Variants in ZNF48 observed in about 807,000 individuals in gnomAD.
ZNF48 encodes zinc finger protein 553.
ZNF48 carries 20 observed loss-of-function variants against 40.0 expected under a neutral mutation model. The ratio of observed to expected loss-of-function variants is 0.50; its 90% CI spans 0.35 to 0.73. The LOEUF (loss-of-function observed/expected upper bound fraction) is 0.73, where lower values mean the gene tolerates loss of function less well. Ranked by LOEUF, ZNF48 falls within the 30% of genes least tolerant of loss-of-function variation. The probability of loss-of-function intolerance (pLI) is 0.01; values close to 1 mark genes in which losing one functional copy is unlikely to be tolerated. For synonymous variants in ZNF48, 298 were observed against 329.7 expected, an observed-to-expected ratio of 0.90 and a Z score of 1.04; for missense variants, 726 against 851.9, an observed-to-expected ratio of 0.85 and a Z score of 1.84.
upstream of ZNF48, among the ~76,000 whole-genome samples, chr16:30,393,702 T>C (rs1196540885): frequency 4.0e-5 from 6 of 151,854 alleles, no homozygotes; most frequent in Admixed American, 1.3e-4. Flanking sequence ...TATAACTACC[T>C]TAACAGTCTC....
Position 30,399,152 on chromosome 16 carries a change from C to T in ZNF48, c.*45C>T, listed in dbSNP as rs761945172. The T allele has an allele frequency of 2.0e-6, 3 of 1,502,118 alleles. No homozygotes were observed. Among genetic ancestry groups the T allele is most frequent in the Middle Eastern group, 1.8e-4 (1 of 5,522 alleles). The allele number at this position is 1,502,118 out of a possible 1,614,324, so 93.0% of individuals were successfully genotyped here. A position where few individuals can be genotyped will look rare whatever the true frequency, so the allele number is the denominator to read the frequency against. ...AGGCCCAGGAGACCAAAGGGAGGGG[C>T]TCTGCCGCTTAGCAGAGAAGAAAGG... On this transcript the variant is annotated 3_prime_UTR_variant, in exon 3 of 3. Transcript: ENST00000613509.
intron 2 of ZNF48, among the ~76,000 whole-genome samples, chr16:30,396,688 CTTTTTTTTT>C (rs1167683501): frequency 1.8e-5 from 2 of 112,064 alleles, no homozygotes; most frequent in Non-Finnish European, 3.5e-5. Context: ...CGCTTTGCTA[CTTTTTTTTT>C]TTTTTTTTTT....
Position 30,387,327 on chromosome 16 carries a change from G to A in ZNF48, c.-15-8453G>A, listed in dbSNP as rs1270338112. 2.0e-5 allele frequency among the ~76,000 whole-genome samples: 3 copies of A among 148,224 alleles called. No individual in the cohort carries two copies. In the South Asian group the frequency reaches 6.3e-4, roughly 31 times the overall value. ...CCCAGCACTTTGGGAGGCCTAGGTG[G>A]GCGGTTCACCTGATGTCGGGAGTTC... On this transcript the variant is annotated intron_variant, in intron 1 of 2. Coordinates refer to the ZNF48 transcript ENST00000528032.
chr16:30,388,018 G>A (rs2049914710), intron 1 of ZNF48, among the ~76,000 whole-genome samples: 1 of 150,328 alleles, frequency 6.7e-6, no homozygotes, highest in Admixed American at 6.7e-5. Context: ...CCAGGCTAGA[G>A]TGCAATGGCG....
chr16:30,382,332 T>C lies in ZNF48; in HGVS notation c.-16+3922T>C, dbSNP rs1421977655. The C allele has an allele frequency of 6.2e-7, 1 of 1,613,680 alleles. No homozygotes were observed. The highest frequency in any genetic ancestry group is 8.5e-7 in the Non-Finnish European group (1 of 1,179,736). On this transcript the variant is annotated intron_variant, in intron 1 of 2. Transcript: ENST00000528032. This position sits in a 1 kb window ranked among gnomAD's most constrained non-coding sequence, Gnocchi z 4.8. ...TTGACAGACTTGCGGTGCAGCTGGT[T>C]GGGGAGGGCAGCAAAACCCACGTAC...
chr16:30,385,124 G>T (rs528391290), intron 1 of ZNF48, among the ~76,000 whole-genome samples: 1 of 151,444 alleles, frequency 6.6e-6, no homozygotes, highest in Non-Finnish European at 1.5e-5. Flanking sequence ...GCGGTGAGCT[G>T]AGATTGTGCC....
At chr16:30,392,189 A>T (rs182379913), upstream of ZNF48, among the ~76,000 whole-genome samples, 1 of 151,914 alleles carries the variant, frequency 6.6e-6, no homozygotes, top group African/African-American at 2.4e-5. Context: ...CGCCCATCTA[A>T]TTTTTTTGTA....
chr16:30,379,309 C>A lies in ZNF48; in HGVS notation c.-16+899C>A, dbSNP rs538181547. The A allele has an allele frequency of 8.3e-6, 12 of 1,438,008 alleles. No homozygotes were observed. The East Asian group carries it at 2.5e-4, about 30-fold the overall frequency. 89.1% of individuals were successfully genotyped at this position (1,438,008 alleles called of 1,614,324 possible). A position where few individuals can be genotyped will look rare whatever the true frequency, so the allele number is the denominator to read the frequency against. Reference sequence around the variant, plus strand: ...GGAGGGTCCGCGGTCTGCAGCCCAGCGACCCCCCTTTCCTCCTAGGATCCC... The same window carrying A: ...GGAGGGTCCGCGGTCTGCAGCCCAGAGACCCCCCTTTCCTCCTAGGATCCC... On this transcript the variant is annotated intron_variant, in intron 1 of 2. Coordinates refer to the ZNF48 transcript ENST00000528032.
At position 30,382,679 on chromosome 16, in the gene ZNF48, A is replaced by G; in HGVS notation, c.-16+4269A>G. 1 of 1,533,966 alleles carries G rather than the reference A, an allele frequency of 6.5e-7. No homozygotes were observed. The highest frequency in any genetic ancestry group is 1.2e-5 in the South Asian group (1 of 83,938). On this transcript the variant is annotated intron_variant, in intron 1 of 2. Coordinates refer to the ZNF48 transcript ENST00000528032. The surrounding 1 kb of genome is among the most constrained non-coding windows in gnomAD (Gnocchi z 4.8). ...AGAGAGGTGGGGAAGGCCAAGGCCAAGAACACTTGGGGTTGCCACCTCCTG... is the reference window on the plus strand; with the variant it reads ...AGAGAGGTGGGGAAGGCCAAGGCCAGGAACACTTGGGGTTGCCACCTCCTG...
intron 1 of ZNF48, among the ~76,000 whole-genome samples, chr16:30,390,021 A>T (rs1235839625): frequency 6.6e-6 from 1 of 151,266 alleles, no homozygotes. Context: ...TGGGGTCACT[A>T]TGTTGGCCAG....
At chr16:30,393,571 G>A (rs1272385045), upstream of ZNF48, among the ~76,000 whole-genome samples, 1 of 151,728 alleles carries the variant, frequency 6.6e-6, no homozygotes, top group Admixed American at 6.6e-5. Context: ...TTTTAGTAGA[G>A]ACAGGGTTTC....
chr16:30,380,780 G>A (rs2049834411), intron 1 of ZNF48: 1 of 291,978 alleles, frequency 3.4e-6, no homozygotes, highest in Non-Finnish European at 6.6e-6. Flanking sequence ...AAAAAAAAAA[G>A]AGAGAGAAAG....
rs2049843061 is a variant in ZNF48 at position 30,381,236 on chromosome 16, G to A, written c.-16+2826G>A. ...TGCCCGGAGGAAGGCCACATCTAGG[G>A]GCCGGAGCCTGCACCCAGGGATTGG... On this transcript the variant is annotated intron_variant, in intron 1 of 2. Transcript: ENST00000528032. This position sits in a 1 kb window ranked among gnomAD's most constrained non-coding sequence, Gnocchi z 4.3. 2.5e-6 allele frequency: 4 copies of A among 1,614,026 alleles called. No individual in the cohort carries two copies. In the East Asian group the frequency reaches 8.9e-5, roughly 36 times the overall value.
upstream of ZNF48, among the ~76,000 whole-genome samples, chr16:30,392,353 T>C (rs1184788351): frequency 6.6e-6 from 1 of 152,050 alleles, no homozygotes; most frequent in Non-Finnish European, 1.5e-5. Context: ...GTTTTCACCA[T>C]GTTGGCCAGG....
upstream of ZNF48, among the ~76,000 whole-genome samples, chr16:30,393,103 T>C (rs1466623616): frequency 1.3e-5 from 2 of 151,852 alleles, no homozygotes; most frequent in Non-Finnish European, 2.9e-5. Flanking sequence ...TGAGATGAAG[T>C]CTCGCTCTTG....
chr16:30,392,544 G>A (rs1160825776), upstream of ZNF48, among the ~76,000 whole-genome samples: 2 of 152,152 alleles, frequency 1.3e-5, no homozygotes, highest in African/African-American at 4.8e-5. Flanking sequence ...GGCAGAGTCT[G>A]GACTTTGCCG....
intron 1 of ZNF48, among the ~76,000 whole-genome samples, chr16:30,386,879 G>A (rs1490063684): frequency 6.7e-6 from 1 of 150,038 alleles, no homozygotes; most frequent in Middle Eastern, 3.6e-3. Flanking sequence ...GGTCAGGCTG[G>A]TCTTGAACTT....
In ZNF48 at chr16:30,378,921, A is replaced by ACCACTC. The variant is rs1222843969; in HGVS notation, c.-16+511_-16+512insCCACTC. 8.0e-6 allele frequency: 10 copies of ACCACTC among 1,252,466 alleles called. No homozygotes were observed. The East Asian group carries it at 2.4e-4, about 29-fold the overall frequency. The allele number at this position is 1,252,466 out of a possible 1,614,324, so 77.6% of individuals were successfully genotyped here. A position where few individuals can be genotyped will look rare whatever the true frequency, so the allele number is the denominator to read the frequency against. On this transcript the variant is annotated intron_variant, in intron 1 of 2. Transcript: ENST00000528032. ...GAGGGAGAGAGAAGTCTGAGTGGTG[A>ACCACTC]AGGCGGAGTCACGGGTGGTGGGGAC...
At chr16:30,379,514 G>C (rs1366186591) in intron 1 of ZNF48, 4 of 1,613,714 alleles carry the variant, frequency 2.5e-6, no homozygotes, top group Non-Finnish European at 1.7e-6. Flanking sequence ...ATGATCCCAC[G>C]ACTGCAAAAG....
Sources: gnomAD v4.1 joint callset for allele counts (sites outside exome capture counted in the v4.1 genomes callset) on GRCh38, gnomAD v4.1.1 for gene constraint, Gnocchi (gnomAD v3.1) non-coding constraint, MANE v1.5 for transcripts, NCBI Gene and HGNC (gene_info 2026-07-23, HGNC 2026-07-21) for gene names.